ZDHHC2: variants seen among roughly 807,000 people sequenced by gnomAD.
ZDHHC2 encodes the protein palmitoyltransferase ZDHHC2.
A neutral mutation model predicts 55.6 loss-of-function variants in ZDHHC2; 51 were observed. The observed-to-expected ratio is 0.92, with a 90% CI of 0.73 to 1.16. The LOEUF (loss-of-function observed/expected upper bound fraction) is 1.16. Ranked by LOEUF, ZDHHC2 falls within the 50% of genes most tolerant of loss-of-function variation. ZDHHC2 has a pLI of 0.00. For synonymous variants in ZDHHC2, 199 were observed against 152.9 expected, an observed-to-expected ratio of 1.30 and a Z score of -2.22; for missense variants, 491 against 442.4, an observed-to-expected ratio of 1.11 and a Z score of -0.99.
At position 17,224,350 on chromosome 8, in the gene ZDHHC2, T is replaced by C. The variant is rs1188716464; in HGVS notation, c.*4129T>C. On this transcript the variant is annotated 3_prime_UTR_variant, in exon 13 of 13. Coordinates refer to ENST00000262096, the MANE Select transcript of ZDHHC2 (RefSeq NM_016353.5). ...GGGGGAAAATGTCTGTTAAGGCTAA[T>C]CATCTGAGTGATTTGAGTAGCAATT... 4 of 151,758 alleles carry C rather than the reference T, an allele frequency of 2.6e-5. No individual in the cohort carries two copies. Among genetic ancestry groups the C allele is most frequent in the Non-Finnish European group, 5.9e-5 (4 of 67,720 alleles). 9.4% of individuals were successfully genotyped at this position (151,758 alleles called of 1,614,324 possible).
Position 17,161,435 on chromosome 8 carries a change from A to G in ZDHHC2, c.130+4582A>G, listed in dbSNP as rs372504384. ...GTTCTATTAAGTTGATGCAAAAGTA[A>G]TTGCAGTTTTTGCCATTAGTTGGTT... is the stretch of plus-strand genomic sequence containing the variant. On this transcript the variant is annotated intron_variant, in intron 1 of 12. Coordinates refer to ENST00000262096, the MANE Select transcript of ZDHHC2 (RefSeq NM_016353.5). Among the ~76,000 whole-genome samples, 21 of 152,350 alleles carry G rather than the reference A, an allele frequency of 1.4e-4. 1 individual carries two copies. The highest frequency in any genetic ancestry group is 3.9e-4 in the East Asian group (2 of 5,192).
intron 3 of ZDHHC2, among the ~76,000 whole-genome samples, chr8:17,189,001 C>A (rs114756310): frequency 2.0e-5 from 3 of 151,962 alleles, no homozygotes; most frequent in African/African-American, 7.3e-5. Context: ...ACAATGTGAA[C>A]TCATGTGCCG....
intron 3 of ZDHHC2, among the ~76,000 whole-genome samples, chr8:17,190,948 A>G (rs1296954491): frequency 1.1e-5 from 1 of 91,350 alleles, no homozygotes; most frequent in Non-Finnish European, 2.3e-5. Context: ...GGTCTTATTC[A>G]TTCTTTTTTT....
Position 17,197,563 on chromosome 8 carries a change from T to C in ZDHHC2, c.374-19T>C. On this transcript the variant is annotated intron_variant, in intron 4 of 12. Coordinates refer to ENST00000262096, the MANE Select transcript of ZDHHC2 (RefSeq NM_016353.5). ...ATTCAGTGTTAACTCTAAGACTAAG[T>C]GGAGCTTTTTGTCCCTAGCCATCCG... 6.2e-7 allele frequency: 1 copy of C among 1,610,878 alleles called. No homozygotes were observed. The highest frequency in any genetic ancestry group is 8.5e-7 in the Non-Finnish European group (1 of 1,177,908).
intron 4 of ZDHHC2, among the ~76,000 whole-genome samples, chr8:17,197,263 G>A (rs1175806419): frequency 6.6e-6 from 1 of 152,106 alleles, no homozygotes; most frequent in African/African-American, 2.4e-5. Flanking sequence ...GTTTAATTGA[G>A]GGAGACATTC....
At chr8:17,197,760 C>A in intron 5 of ZDHHC2, 109 bp downstream of exon 5, 1 of 1,220,624 alleles carries the variant, frequency 8.2e-7, no homozygotes, top group South Asian at 1.4e-5. Flanking sequence ...TCTCGCTTCT[C>A]AGCCCTTGAT....
At chr8:17,199,589 TTTCTTCTTCTTTATTCTTTCTTC>T (rs1806600496) in intron 6 of ZDHHC2, among the ~76,000 whole-genome samples, 4 of 45,894 alleles carry the variant, frequency 8.7e-5, no homozygotes, top group African/African-American at 1.9e-4. Context: ...CTTCTTCTTC[TTTCTTCTTCTTTATTCTTTCTTC>T]TTCTTCTTCT....
At chr8:17,214,080 GT>G in intron 10 of ZDHHC2, among the ~76,000 whole-genome samples, 1 of 152,228 alleles carries the variant, frequency 6.6e-6, no homozygotes, top group Middle Eastern at 3.4e-3. Flanking sequence ...TCTTGAAAGA[GT>G]TTTAAGTCGT....
chr8:17,190,019 G>T (rs1805936247), intron 3 of ZDHHC2, among the ~76,000 whole-genome samples: 1 of 152,172 alleles, frequency 6.6e-6, no homozygotes, highest in Non-Finnish European at 1.5e-5. Flanking sequence ...TGGAGAGCAA[G>T]CACAATGGGT....
At chr8:17,168,158 A>G (rs112953296) in intron 1 of ZDHHC2, among the ~76,000 whole-genome samples, 3,732 of 152,132 alleles carry the variant, frequency 0.025, 161 homozygotes, top group African/African-American at 0.085. Context: ...TCTTTCATCT[A>G]TTTCCTATTG....
intron 1 of ZDHHC2, among the ~76,000 whole-genome samples, chr8:17,181,347 G>A (rs955251151): frequency 1.3e-5 from 2 of 152,154 alleles, no homozygotes; most frequent in East Asian, 1.9e-4. Context: ...AAGTTGTAAC[G>A]TTTTTGTTAC....
chr8:17,212,456 T>A (rs1259275325), intron 10 of ZDHHC2, among the ~76,000 whole-genome samples: 1 of 152,122 alleles, frequency 6.6e-6, no homozygotes, highest in African/African-American at 2.4e-5. Flanking sequence ...AACTGTGGGG[T>A]CATCCTGGAT....
At chr8:17,161,876 A>T (rs1415907039) in intron 1 of ZDHHC2, among the ~76,000 whole-genome samples, 1 of 152,110 alleles carries the variant, frequency 6.6e-6, no homozygotes, top group Non-Finnish European at 1.5e-5. Flanking sequence ...AATAAAAAAT[A>T]AAAAAAAGAA....
In ZDHHC2 at chr8:17,195,589, A is replaced by C; in HGVS notation, c.338A>C (p.Lys113Thr). 6.2e-7 allele frequency: 1 copy of C among 1,613,938 alleles called. No individual in the cohort carries two copies. Among genetic ancestry groups the C allele is most frequent in the Non-Finnish European group, 8.5e-7 (1 of 1,179,838 alleles). Residue 113 changes from lysine (K) to threonine (T), a missense_variant, in exon 4 of 13, where the codon AAG becomes ACG. Transcript: ENST00000262096. ...CAGGAAGTTCTTAGGCGAGCAGCCA[A>C]GGATCTTCCCATCTATACCAGGACC... Reference protein sequence around the residue: ...AHQEVLRRAAKDLPIYTRTMS... With the variant: ...AHQEVLRRAATDLPIYTRTMS...
At chr8:17,180,424 C>G (rs1805374871) in intron 1 of ZDHHC2, among the ~76,000 whole-genome samples, 1 of 152,078 alleles carries the variant, frequency 6.6e-6, no homozygotes, top group Non-Finnish European at 1.5e-5. Flanking sequence ...TTTCACTCGC[C>G]AAGTCTATTT....
chr8:17,174,961 A>T (rs1325586153), intron 1 of ZDHHC2, among the ~76,000 whole-genome samples: 1 of 152,130 alleles, frequency 6.6e-6, no homozygotes, highest in Non-Finnish European at 1.5e-5. Flanking sequence ...TCCTGGGCTC[A>T]AGCGATCCAG....
In ZDHHC2 at chr8:17,208,104, A is replaced by G. The variant is rs1585732095; in HGVS notation, c.730+12A>G. On this transcript the variant is annotated intron_variant, in intron 8 of 12. Transcript: ENST00000262096. ...TAAATCTACATTAGGTGAGTATCCA[A>G]TTATTGTAGTTGACAGAACTTTAAA... 1.3e-6 allele frequency: 2 copies of G among 1,547,756 alleles called. No individual in the cohort carries two copies. Among genetic ancestry groups the G allele is most frequent in the Admixed American group, 2.0e-5 (1 of 50,924 alleles).
intron 3 of ZDHHC2, among the ~76,000 whole-genome samples, chr8:17,190,820 G>A (rs1185165583): frequency 6.6e-6 from 1 of 151,790 alleles, no homozygotes; most frequent in Non-Finnish European, 1.5e-5. Flanking sequence ...TTGGGTATCA[G>A]TTACCACAAG....
rs1014238060 is a variant in ZDHHC2 at position 17,198,834 on chromosome 8, A to G, written c.476+421A>G. Among the ~76,000 whole-genome samples the G allele has an allele frequency of 7.2e-5, 11 of 152,360 alleles. No homozygotes were observed. The South Asian group carries it at 1.4e-3, about 20-fold the overall frequency. ...TTTTACACAGAATTTGACATTAAGGAGTAGAATACAACTACACAGATATAC... is the reference window on the plus strand; with the variant it reads ...TTTTACACAGAATTTGACATTAAGGGGTAGAATACAACTACACAGATATAC... On this transcript the variant is annotated intron_variant, in intron 6 of 12. Coordinates refer to ENST00000262096, the MANE Select transcript of ZDHHC2 (RefSeq NM_016353.5).
Sources: allele counts gnomAD v4.1 joint callset (sites outside exome capture counted in the v4.1 genomes callset), GRCh38; gene constraint gnomAD v4.1.1; transcripts MANE v1.5; gene names NCBI Gene and HGNC (gene_info 2026-07-23, HGNC 2026-07-21).